The following KLHL32 variants were observed in gnomAD, a reference collection of about 807,000 sequenced individuals.
The protein encoded by KLHL32 is kelch like family member 32.
A neutral mutation model predicts 64.8 loss-of-function variants in KLHL32; 35 were observed. The observed-to-expected ratio is 0.54, with a 90% CI of 0.41 to 0.72. The LOEUF is 0.72. Ranked by LOEUF, KLHL32 falls within the 30% of genes least tolerant of loss-of-function variation. The pLI is 0.00. For missense variants in KLHL32, 589 were observed against 768.5 expected (o/e 0.77, Z 2.76); for synonymous variants, 259 against 281.0 (o/e 0.92, Z 0.78).
intron 5 of KLHL32, among the ~76,000 whole-genome samples, chr6:97,071,431 C>T (rs983469245): frequency 6.6e-6 from 1 of 152,212 alleles, no homozygotes; most frequent in Non-Finnish European, 1.5e-5. Flanking sequence ...AGCTCCTTGA[C>T]TGTCCCTCAA....
At chr6:97,111,354 C>A (rs550094783) in intron 6 of KLHL32, among the ~76,000 whole-genome samples, 402 of 152,354 alleles carry the variant, frequency 2.6e-3, no homozygotes, top group Non-Finnish European at 4.3e-3. Flanking sequence ...AGAGGAAGAT[C>A]CTGGGCGGGC....
Position 97,113,805 on chromosome 6 carries a change from A to G in KLHL32, c.650A>G (p.His217Arg). 6.2e-7 allele frequency: 1 copy of G among 1,613,188 alleles called. No individual in the cohort carries two copies. Reference sequence around the variant, plus strand: ...CAGCTAGCTGTGAGGTGGTTGGAACACAACTGCCACTACCAGTACATGGAC... The same window carrying G: ...CAGCTAGCTGTGAGGTGGTTGGAACGCAACTGCCACTACCAGTACATGGAC... ...IWQLAVRWLE[H>R]NCHYQYMDEL... is the part of the protein sequence containing the mutation. The change falls in exon 7 of 11, where the codon CAC (histidine) becomes CGC (arginine). Residue 217 changes from histidine to arginine, a missense_variant. Transcript: ENST00000369261.
At chr6:96,939,497 TG>T (rs1275476320) in intron 1 of KLHL32, among the ~76,000 whole-genome samples, 2 of 152,252 alleles carry the variant, frequency 1.3e-5, no homozygotes, top group East Asian at 3.9e-4. Flanking sequence ...AAGTATAAAG[TG>T]GGAAGCTTTG....
At chr6:96,905,311 GA>G in the KLHL32 span, among the ~76,000 whole-genome samples, 1 of 152,194 alleles carries the variant, frequency 6.6e-6, no homozygotes, top group African/African-American at 2.4e-5. Flanking sequence ...GAAAATATGT[GA>G]AAAGCAAGTT....
chr6:96,933,092 C>T (rs1770137035), intron 1 of KLHL32, among the ~76,000 whole-genome samples: 1 of 152,144 alleles, frequency 6.6e-6, no homozygotes, highest in Non-Finnish European at 1.5e-5. Flanking sequence ...TTAAGGATTT[C>T]ACTAGCATGG....
chr6:96,941,861 G>A (rs1047060500), intron 1 of KLHL32, among the ~76,000 whole-genome samples: 6 of 152,098 alleles, frequency 3.9e-5, no homozygotes, highest in Non-Finnish European at 7.4e-5. Flanking sequence ...TCTGTTGTGT[G>A]TAATTGGGAT....
At chr6:96,915,205 C>A in the KLHL32 span, among the ~76,000 whole-genome samples, 1 of 152,256 alleles carries the variant, frequency 6.6e-6, no homozygotes, top group Admixed American at 6.5e-5. Context: ...CTCAATGGTA[C>A]CTACAGCTGT....
At chr6:96,982,838 T>C (rs1417942516) in intron 3 of KLHL32, among the ~76,000 whole-genome samples, 1 of 152,268 alleles carries the variant, frequency 6.6e-6, no homozygotes, top group Non-Finnish European at 1.5e-5. Context: ...AGGGACAATT[T>C]GACTTCCTCT....
intron 6 of KLHL32, among the ~76,000 whole-genome samples, chr6:97,097,985 C>T (rs1795214215): frequency 6.6e-6 from 1 of 152,182 alleles, no homozygotes; most frequent in African/African-American, 2.4e-5. Context: ...CAGCATCTTA[C>T]TCCTTTTACC....
intron 6 of KLHL32, among the ~76,000 whole-genome samples, chr6:97,106,467 G>A (rs773758724): frequency 2.0e-5 from 3 of 152,126 alleles, no homozygotes; most frequent in African/African-American, 7.2e-5. Context: ...AATAGACCGG[G>A]TGCAGTGGCT....
chr6:97,133,862 CTG>C (rs1799699568), intron 10 of KLHL32, among the ~76,000 whole-genome samples: 2 of 152,056 alleles, frequency 1.3e-5, no homozygotes, highest in Non-Finnish European at 2.9e-5. Flanking sequence ...GTTGGAAAGA[CTG>C]TATTTTTCTT....
intron 1 of KLHL32, among the ~76,000 whole-genome samples, chr6:96,934,481 A>T (rs941383026): frequency 1.3e-5 from 2 of 152,212 alleles, no homozygotes; most frequent in Non-Finnish European, 2.9e-5. Flanking sequence ...AAGTTAAATC[A>T]GTTCTGATGT....
At chr6:97,074,430 A>G (rs1216046625) in intron 5 of KLHL32, among the ~76,000 whole-genome samples, 3 of 152,136 alleles carry the variant, frequency 2.0e-5, no homozygotes, top group African/African-American at 7.2e-5. Flanking sequence ...CATTTAGATG[A>G]ATTTGAATTG....
chr6:96,898,113 A>G, the KLHL32 span, among the ~76,000 whole-genome samples: 6,013 of 152,196 alleles, frequency 0.04, 165 homozygotes, highest in Middle Eastern at 0.092. Flanking sequence ...GTCACCCGGG[A>G]AGCTCTGTAA....
At chr6:97,010,070 G>T (rs923061032) in intron 3 of KLHL32, 1 of 141,168 alleles carries the variant, frequency 7.1e-6, no homozygotes, top group Non-Finnish European at 1.5e-5. Context: ...GCCCAAACAA[G>T]CTACTGGGTT....
chr6:97,055,976 T>C (rs1787799681), intron 4 of KLHL32, among the ~76,000 whole-genome samples: 1 of 151,912 alleles, frequency 6.6e-6, no homozygotes, highest in African/African-American at 2.4e-5. Context: ...GGCTTTTATC[T>C]TCATCATTCC....
intron 5 of KLHL32, among the ~76,000 whole-genome samples, chr6:97,081,096 A>T (rs781735894): frequency 1.3e-5 from 2 of 152,222 alleles, no homozygotes; most frequent in African/African-American, 2.4e-5. Flanking sequence ...TTCTGCTCCA[A>T]TAAGAGGGCA....
chr6:96,956,471 A>G (rs1400238602), intron 1 of KLHL32, among the ~76,000 whole-genome samples: 2 of 152,190 alleles, frequency 1.3e-5, no homozygotes, highest in Admixed American at 6.5e-5. Context: ...CTCATTTTAC[A>G]AAACTGTAGC....
intron 1 of KLHL32, among the ~76,000 whole-genome samples, chr6:96,966,707 C>T (rs1180221123): frequency 3.9e-5 from 6 of 152,182 alleles, no homozygotes; most frequent in Non-Finnish European, 8.8e-5. Flanking sequence ...TTTCCTTTGG[C>T]CATTCCATCT....
Sources: allele counts gnomAD v4.1 joint callset (sites outside exome capture counted in the v4.1 genomes callset), GRCh38; gene constraint gnomAD v4.1.1; transcripts MANE v1.5; gene names NCBI Gene and HGNC (gene_info 2026-07-23, HGNC 2026-07-21).